The following PER3 variants were observed in gnomAD, a reference collection of about 807,000 sequenced individuals.
The protein encoded by PER3 is period circadian regulator 3.
PER3 carries 107 observed loss-of-function variants against 127.2 expected under a neutral mutation model. That is an observed-to-expected ratio of 0.84 (90% CI 0.72 to 0.99). The LOEUF (loss-of-function observed/expected upper bound fraction) is 0.99. Among genes scored for constraint, PER3 ranks in the 50% least tolerant of loss-of-function variants. The pLI is 0.00. For synonymous variants in PER3, 618 were observed against 585.8 expected, an observed-to-expected ratio of 1.05 and a Z score of -0.79; for missense variants, 1,560 against 1,525.8, an observed-to-expected ratio of 1.02 and a Z score of -0.37.
intron 13 of PER3, 89 bp downstream of exon 13, chr1:7,810,677 C>A: frequency 7.8e-7 from 1 of 1,279,290 alleles, no homozygotes; most frequent in Non-Finnish European, 1.1e-6. Flanking sequence ...AGCATAAAGT[C>A]ATGACCCTGT....
intron 10 of PER3, among the ~76,000 whole-genome samples, chr1:7,805,317 G>A (rs182940170): frequency 2.0e-4 from 30 of 152,266 alleles, no homozygotes; most frequent in Non-Finnish European, 3.7e-4. Flanking sequence ...TTGTTATACA[G>A]CATTGTCTAC....
At chr1:7,802,302 G>T (rs2097173975) in intron 8 of PER3, among the ~76,000 whole-genome samples, 1 of 151,928 alleles carries the variant, frequency 6.6e-6, no homozygotes, top group Non-Finnish European at 1.5e-5. Context: ...TCACACTGTT[G>T]CCCGGGCTGG....
Position 7,784,366 on chromosome 1 carries a change from G to C in PER3, c.-235G>C, listed in dbSNP as rs1015473096. 2 of 151,598 alleles carry C rather than the reference G, an allele frequency of 1.3e-5. No individual in the cohort carries two copies. Among genetic ancestry groups the C allele is most frequent in the Admixed American group, 6.6e-5 (1 of 15,168 alleles). 9.4% of individuals were successfully genotyped at this position (151,598 alleles called of 1,614,324 possible). ...AGCGGCTGTGCGCGGGGCCAAGGGC[G>C]GGGGCAGCAGGTGAGTGCGCGGCCG... On this transcript the variant is annotated 5_prime_UTR_variant, in exon 1 of 22. Transcript: ENST00000377532.
intron 21 of PER3, 124 bp downstream of exon 21, chr1:7,837,273 A>G: frequency 2.9e-6 from 2 of 680,984 alleles, no homozygotes; most frequent in Non-Finnish European, 4.9e-6. Context: ...CCTCTATGGT[A>G]GGTGTTATTA....
intron 3 of PER3, 72 bp from the exon 4 acceptor site, chr1:7,786,649 G>C (rs1558373832): frequency 2.5e-6 from 2 of 802,796 alleles, no homozygotes; most frequent in Admixed American, 3.8e-5. Flanking sequence ...AATCCAGCTT[G>C]ATAGTGATGA....
chr1:7,803,246 C>A, intron 9 of PER3, 93 bp downstream of exon 9: 1 of 795,232 alleles, frequency 1.3e-6, no homozygotes, highest in Admixed American at 1.8e-5. Flanking sequence ...AACCTTTAAC[C>A]AGAGAGGCAT....
At position 7,784,960 on chromosome 1, in the gene PER3, G is replaced by A; in HGVS notation, c.83G>A (p.Ser28Asn). The change falls in exon 2 of 22, where the codon AGC becomes AAC. Residue 28 changes from serine (S) to asparagine (N), a missense_variant. Physicochemically the swap from Ser to Asn is conservative, Grantham distance 46. Transcript: ENST00000377532. Reference protein sequence around the residue: ...ALGEESGERWSPEFHLQRKLA... With the variant: ...ALGEESGERWNPEFHLQRKLA... ...GGCGAAGAATCGGGGGAGCGGTGGA[G>A]CCCCGAGTTCCATCTGCAGAGGAAA... is the stretch of plus-strand genomic sequence containing the variant. 1 of 1,550,188 alleles carries A rather than the reference G, an allele frequency of 6.5e-7. No homozygotes were observed. Among genetic ancestry groups the A allele is most frequent in the Non-Finnish European group, 8.6e-7 (1 of 1,158,304 alleles).
intron 21 of PER3, among the ~76,000 whole-genome samples, 169 bp downstream of exon 21, chr1:7,837,318 A>G (rs2097363222): frequency 6.6e-6 from 1 of 152,214 alleles, no homozygotes; most frequent in Admixed American, 6.5e-5. Context: ...AGCAGGTTAT[A>G]CACATGTGAA....
chr1:7,834,411 T>C (rs1264778657), intron 19 of PER3, among the ~76,000 whole-genome samples: 3 of 152,226 alleles, frequency 2.0e-5, no homozygotes, highest in African/African-American at 7.2e-5. Flanking sequence ...ATTTTTGCTT[T>C]AAACAGTAAC....
chr1:7,827,898 T>A, intron 18 of PER3, 83 bp downstream of exon 18: 1 of 1,060,346 alleles, frequency 9.4e-7, no homozygotes, highest in Non-Finnish European at 1.4e-6. Flanking sequence ...GACTCAGTGC[T>A]GACATTCTCA....
chr1:7,785,646 A>G (rs1186407896), intron 3 of PER3, 60 bp downstream of exon 3: 3 of 1,450,990 alleles, frequency 2.1e-6, no homozygotes, highest in Admixed American at 1.9e-5. Context: ...ACAAGCAGCC[A>G]GAGGAGTGGT....
chr1:7,802,406 G>A (rs934304001), intron 8 of PER3, among the ~76,000 whole-genome samples: 1 of 152,038 alleles, frequency 6.6e-6, no homozygotes, highest in Non-Finnish European at 1.5e-5. Context: ...GAGATTACAG[G>A]CACACACCAC....
intron 13 of PER3, among the ~76,000 whole-genome samples, chr1:7,812,181 C>T (rs2097221891): frequency 6.6e-6 from 1 of 152,154 alleles, no homozygotes; most frequent in Non-Finnish European, 1.5e-5. Flanking sequence ...GACCTCTGTC[C>T]TCATCTCAGT....
Position 7,819,281 on chromosome 1 carries a change from T to A in PER3, c.1523-4T>A, listed in dbSNP as rs763616595. 23 of 1,612,660 alleles carry A rather than the reference T, an allele frequency of 1.4e-5. No individual in the cohort carries two copies. The highest frequency in any genetic ancestry group is 1.9e-5 in the Non-Finnish European group (22 of 1,179,054). On this transcript the variant is annotated splice_region_variant and splice_polypyrimidine_tract_variant and intron_variant, in intron 13 of 21. Transcript: ENST00000377532. Reference sequence around the variant, plus strand: ...TAATTGCACATCCCTTTATTCTGTTTCAGGTGAATGTAAGACCTTTACTTC... The same window carrying A: ...TAATTGCACATCCCTTTATTCTGTTACAGGTGAATGTAAGACCTTTACTTC...
intron 8 of PER3, 94 bp from the exon 9 acceptor site, chr1:7,802,951 TTG>T: frequency 1.3e-6 from 1 of 776,290 alleles, no homozygotes; most frequent in Non-Finnish European, 2.3e-6. Context: ...TTGCATAAAA[TTG>T]TCTCACATTT....
intron 19 of PER3, 69 bp from the exon 20 acceptor site, chr1:7,835,693 G>T: frequency 8.9e-7 from 1 of 1,126,134 alleles, no homozygotes; most frequent in South Asian, 1.4e-5. Flanking sequence ...AGAGTCTGAA[G>T]AATGAGAGCC....
chr1:7,813,129 C>T (rs1409934386), intron 13 of PER3, among the ~76,000 whole-genome samples: 4 of 152,140 alleles, frequency 2.6e-5, no homozygotes, highest in Non-Finnish European at 5.9e-5. Context: ...CAAGGAATAA[C>T]AGGGATATGT....
intron 19 of PER3, 141 bp downstream of exon 19, chr1:7,830,302 T>A: frequency 1.4e-6 from 1 of 689,918 alleles, no homozygotes; most frequent in Non-Finnish European, 2.4e-6. Context: ...TTGTCAGGTA[T>A]ATTGGGGTAT....
At chr1:7,818,904 C>A (rs954080811) in intron 13 of PER3, among the ~76,000 whole-genome samples, 2 of 152,254 alleles carry the variant, frequency 1.3e-5, no homozygotes, top group African/African-American at 2.4e-5. Context: ...GGTCTTCCCA[C>A]ATTCCACCCT....
Sources: gnomAD v4.1 joint callset for allele counts (sites outside exome capture counted in the v4.1 genomes callset) on GRCh38, gnomAD v4.1.1 for gene constraint, MANE v1.5 for transcripts, NCBI Gene and HGNC (gene_info 2026-07-23, HGNC 2026-07-21) for gene names.